SLC14A2: variants seen among roughly 807,000 people sequenced by gnomAD.
SLC14A2 encodes solute carrier family 14 member 2.
In SLC14A2, 91 loss-of-function variants were observed where a neutral mutation model predicts 104.6. The ratio of observed to expected loss-of-function variants is 0.87; its 90% confidence interval spans 0.73 to 1.04. The LOEUF (loss-of-function observed/expected upper bound fraction) is 1.04. Among genes scored for constraint, SLC14A2 ranks in the 50% least tolerant of loss-of-function variants. The probability of loss-of-function intolerance (pLI) is 0.00; values close to 1 mark genes in which losing one functional copy is unlikely to be tolerated. For synonymous variants in SLC14A2, 476 were observed against 466.4 expected, an observed-to-expected ratio of 1.02 and a Z score of -0.27; for missense variants, 1,189 against 1,156.0, an observed-to-expected ratio of 1.03 and a Z score of -0.41.
the SLC14A2 span, among the ~76,000 whole-genome samples, chr18:45,203,316 C>G: frequency 1.3e-5 from 2 of 152,122 alleles, no homozygotes; most frequent in Non-Finnish European, 2.9e-5. Context: ...ACATTCTTAC[C>G]CAGTGTGATC....
intron 1 of SLC14A2, among the ~76,000 whole-genome samples, chr18:45,245,351 C>G (rs2084358667): frequency 6.6e-6 from 1 of 152,184 alleles, no homozygotes; most frequent in Non-Finnish European, 1.5e-5. Flanking sequence ...TGTGAGGTCT[C>G]CACTGTGTTC....
At chr18:45,438,945 T>C (rs1256920216) in intron 1 of SLC14A2, among the ~76,000 whole-genome samples, 2 of 152,150 alleles carry the variant, frequency 1.3e-5, no homozygotes, top group African/African-American at 2.4e-5. Flanking sequence ...ACCTAGGGCC[T>C]ATAACCTGTC....
Position 45,625,783 on chromosome 18 carries a change from C to A in SLC14A2, c.251C>A (p.Ala84Glu), listed in dbSNP as rs760983535. 31 of 1,556,908 alleles carry A rather than the reference C, an allele frequency of 2.0e-5. No homozygotes were observed. The highest frequency in any genetic ancestry group is 2.7e-5 in the Non-Finnish European group (31 of 1,157,354). The change falls in exon 3 of 20, where the codon GCA becomes GAA. Residue 84 changes from alanine to glutamate, a missense_variant. Ala to Glu is a moderately radical substitution (Grantham distance 107). Coordinates refer to ENST00000255226, the MANE Select transcript of SLC14A2 (RefSeq NM_007163.4). ...GACGGGGTGGCCCATCGGGACTCAG[C>A]AGGCCAAAGGTGCATCTGCCTCTCC... ...KDDGVAHRDS[A>E]GQRCICLSKA...
chr18:45,242,693 T>A (rs2084330078), intron 1 of SLC14A2, among the ~76,000 whole-genome samples: 1 of 152,234 alleles, frequency 6.6e-6, no homozygotes, highest in Non-Finnish European at 1.5e-5. Context: ...TCTAAAATTG[T>A]AAAGAAATAA....
At chr18:45,558,045 G>T (rs2044155094) in intron 2 of SLC14A2, among the ~76,000 whole-genome samples, 1 of 152,160 alleles carries the variant, frequency 6.6e-6, no homozygotes, top group African/African-American at 2.4e-5. Context: ...CAAGCTGTCT[G>T]CCAGGTAGCC....
Position 45,624,919 on chromosome 18 carries a change from G to A in SLC14A2, c.150+105G>A, listed in dbSNP as rs1354545874. The A allele has an allele frequency of 4.2e-6, 5 of 1,191,396 alleles. No homozygotes were observed. The African/African-American group carries it at 6.1e-5, about 14-fold the overall frequency. The allele number at this position is 1,191,396 out of a possible 1,614,324, so 73.8% of individuals were successfully genotyped here. On this transcript the variant is annotated intron_variant, in intron 2 of 19. Coordinates refer to ENST00000255226, the MANE Select transcript of SLC14A2 (RefSeq NM_007163.4). ...CTTCCCAGTGAACTTAGCACACTGAGGAAGTGCCACTGTCAGTACATGGTG... is the reference window on the plus strand; with the variant it reads ...CTTCCCAGTGAACTTAGCACACTGAAGAAGTGCCACTGTCAGTACATGGTG...
chr18:45,466,381 C>T lies in SLC14A2; in HGVS notation c.-124-16852C>T, dbSNP rs75454716. On this transcript the variant is annotated intron_variant, in intron 1 of 20. Transcript: ENST00000586448. ...TCTGCCAGAGAAGGGAGGGCATGTG[C>T]ATCAGTAACTGGTATCAGTACAAGT... Among the ~76,000 whole-genome samples the T allele has an allele frequency of 4.6e-3, 690 of 151,642 alleles. 1 individual carries two copies. Among genetic ancestry groups the T allele is most frequent in the Non-Finnish European group, 7.5e-3 (506 of 67,906 alleles).
chr18:45,511,119 C>A (rs374015897), intron 2 of SLC14A2, among the ~76,000 whole-genome samples: 2 of 151,904 alleles, frequency 1.3e-5, no homozygotes, highest in Non-Finnish European at 2.9e-5. Flanking sequence ...TTTTTCCCAG[C>A]CTTCTGCAAG....
chr18:45,245,477 T>TAG (rs1289798444), intron 1 of SLC14A2, among the ~76,000 whole-genome samples: 1 of 152,220 alleles, frequency 6.6e-6, no homozygotes, highest in African/African-American at 2.4e-5. Context: ...AACAGAGCTC[T>TAG]ATGCAGTGTA....
intron 1 of SLC14A2, among the ~76,000 whole-genome samples, chr18:45,229,973 T>A (rs1212017404): frequency 6.6e-6 from 1 of 152,204 alleles, no homozygotes; most frequent in Admixed American, 6.5e-5. Context: ...TCTGTTTCCA[T>A]CTGTAAAATA....
At chr18:45,484,131 C>T (rs1391578720) in intron 2 of SLC14A2, among the ~76,000 whole-genome samples, 2 of 152,124 alleles carry the variant, frequency 1.3e-5, no homozygotes, top group African/African-American at 4.8e-5. Context: ...ACCCACCTGC[C>T]AATTGTCTGT....
At chr18:45,384,654 C>G (rs948200323) in intron 1 of SLC14A2, among the ~76,000 whole-genome samples, 4 of 152,070 alleles carry the variant, frequency 2.6e-5, no homozygotes, top group African/African-American at 4.8e-5. Flanking sequence ...TATTCAGTGC[C>G]TCTCCCCCCG....
chr18:45,398,927 G>A (rs189925865), intron 1 of SLC14A2, among the ~76,000 whole-genome samples: 45 of 152,234 alleles, frequency 3.0e-4, no homozygotes, highest in Non-Finnish European at 1.5e-5. Context: ...GCACAACAAC[G>A]TACACATACT....
At chr18:45,376,271 G>A (rs2085773993) in intron 1 of SLC14A2, among the ~76,000 whole-genome samples, 1 of 152,104 alleles carries the variant, frequency 6.6e-6, no homozygotes, top group Non-Finnish European at 1.5e-5. Context: ...TCTCTTGCAG[G>A]CTAAATTGTG....
At chr18:45,534,781 T>A (rs1026211889) in intron 2 of SLC14A2, among the ~76,000 whole-genome samples, 1 of 152,158 alleles carries the variant, frequency 6.6e-6, no homozygotes, top group African/African-American at 2.4e-5. Flanking sequence ...ATGCATTAGA[T>A]GAAAGGTGAC....
At chr18:45,171,918 T>G in the SLC14A2 span, among the ~76,000 whole-genome samples, 9 of 152,296 alleles carry the variant, frequency 5.9e-5, no homozygotes, top group Admixed American at 5.9e-4. Flanking sequence ...TCGTTAGCCC[T>G]CGGTGGGGCA....
At chr18:45,488,829 G>A (rs565217001) in intron 2 of SLC14A2, among the ~76,000 whole-genome samples, 20 of 152,284 alleles carry the variant, frequency 1.3e-4, no homozygotes, top group Non-Finnish European at 2.4e-4. Flanking sequence ...AGACTGATTT[G>A]TTCCCACCCT....
At chr18:45,576,534 C>T (rs1232911496) in intron 2 of SLC14A2, among the ~76,000 whole-genome samples, 4 of 151,960 alleles carry the variant, frequency 2.6e-5, no homozygotes, top group African/African-American at 7.3e-5. Context: ...CCACCTGCCT[C>T]GGCCTCCCAA....
intron 5 of SLC14A2, among the ~76,000 whole-genome samples, chr18:45,633,860 T>C (rs1250264725): frequency 1.3e-5 from 2 of 152,194 alleles, no homozygotes; most frequent in African/African-American, 4.8e-5. Flanking sequence ...AATTTAGTTT[T>C]CCTCTTAGGG....
Sources: allele counts gnomAD v4.1 joint callset (sites outside exome capture counted in the v4.1 genomes callset), GRCh38; gene constraint gnomAD v4.1.1; transcripts MANE v1.5; gene names NCBI Gene and HGNC (gene_info 2026-07-23, HGNC 2026-07-21).